The following SLC4A7 variants were observed in gnomAD, a reference collection of about 807,000 sequenced individuals.
SLC4A7 encodes the protein solute carrier family 4 member 7, also known as sodium bicarbonate cotransporter 3.
SLC4A7 carries 51 observed loss-of-function variants against 137.6 expected under a neutral mutation model. The observed-to-expected ratio is 0.37, with a 90% CI of 0.30 to 0.47. The LOEUF is 0.47. Ranked by LOEUF, SLC4A7 falls within the 20% of genes least tolerant of loss-of-function variation. The probability of loss-of-function intolerance (pLI) is 1.00; values close to 1 mark genes in which losing one functional copy is unlikely to be tolerated. For synonymous variants in SLC4A7, 542 were observed against 518.6 expected (o/e 1.05, Z -0.61); for missense variants, 1,247 against 1,525.4 (o/e 0.82, Z 3.04).
chr3:27,391,608 T>C (rs1420665592), intron 21 of SLC4A7, 132 bp downstream of exon 21: 4 of 621,620 alleles, frequency 6.4e-6, no homozygotes, highest in Non-Finnish European at 1.2e-5. Flanking sequence ...ATGTCTGAAG[T>C]CATCAGTTAG....
At chr3:27,388,358 A>C (rs2051183607) in intron 22 of SLC4A7, among the ~76,000 whole-genome samples, 1 of 151,416 alleles carries the variant, frequency 6.6e-6, no homozygotes. Flanking sequence ...ATAACTTGTC[A>C]GTGTTTTTTG....
At chr3:27,442,448 T>C (rs2057274285) in intron 3 of SLC4A7, among the ~76,000 whole-genome samples, 2 of 151,932 alleles carry the variant, frequency 1.3e-5, no homozygotes, top group African/African-American at 2.4e-5. Context: ...TTTCTTTTTT[T>C]TTTTTTTTTG....
intron 20 of SLC4A7, 95 bp downstream of exon 20, chr3:27,394,423 T>C (rs2051925729): frequency 2.7e-6 from 3 of 1,111,778 alleles, no homozygotes; most frequent in Admixed American, 4.6e-5. Context: ...AACCTAATTT[T>C]AGGTATTTTA....
At position 27,394,725 on chromosome 3, in the gene SLC4A7, C is replaced by T; in HGVS notation, c.2910G>A (p.Met970Ile). 1 of 1,614,208 alleles carries T rather than the reference C, an allele frequency of 6.2e-7. No homozygotes were observed. Among genetic ancestry groups the T allele is most frequent in the Non-Finnish European group, 8.5e-7 (1 of 1,180,024 alleles). ...YHLDLLMVGVMLGVCSVMGLP... is the reference protein window; with the variant it reads ...YHLDLLMVGVILGVCSVMGLP... ...GTCCCATGACAGAGCAAACTCCCAACATAACGCCAACCATGAGCAAATCAA... is the reference window on the plus strand; with the variant it reads ...GTCCCATGACAGAGCAAACTCCCAATATAACGCCAACCATGAGCAAATCAA... Residue 970 changes from methionine (M) to isoleucine (I), a missense_variant, in exon 20 of 26, where the codon ATG becomes ATA. This residue lies in a region of SLC4A7 where 48 missense variants were observed against 97.2 expected (regional missense o/e 0.49). Coordinates refer to ENST00000454389, the MANE Select transcript of SLC4A7 (RefSeq NM_001321103.2).
At chr3:27,383,792 C>T (rs1017627260) in intron 23 of SLC4A7, among the ~76,000 whole-genome samples, 29 of 152,162 alleles carry the variant, frequency 1.9e-4, no homozygotes, top group African/African-American at 6.8e-4. Context: ...GAAATACTCT[C>T]GGCAATGTCT....
chr3:27,479,025 A>C (rs1447744867), intron 1 of SLC4A7, among the ~76,000 whole-genome samples: 2 of 152,076 alleles, frequency 1.3e-5, no homozygotes, highest in East Asian at 3.9e-4. Context: ...AAAAACAAAA[A>C]AACACCAAAC....
At chr3:27,452,595 T>A in intron 1 of SLC4A7, 97 bp from the exon 2 acceptor site, 1 of 636,812 alleles carries the variant, frequency 1.6e-6, no homozygotes, top group Non-Finnish European at 2.6e-6. Context: ...TAAAACAGAC[T>A]GCTTTCTCTC....
intron 1 of SLC4A7, among the ~76,000 whole-genome samples, chr3:27,478,849 A>AGAG (rs200336360): frequency 1.3e-5 from 2 of 150,002 alleles, no homozygotes; most frequent in African/African-American, 2.5e-5. Flanking sequence ...AAAAAAAAAA[A>AGAG]AGAGAGAGAG....
chr3:27,461,141 AAAAC>A, intron 1 of SLC4A7, among the ~76,000 whole-genome samples: 1 of 152,300 alleles, frequency 6.6e-6, no homozygotes, highest in East Asian at 1.9e-4. Flanking sequence ...ACAGAACAAA[AAAAC>A]AAAATTATCT....
At chr3:27,390,932 G>A (rs962806187) in intron 21 of SLC4A7, among the ~76,000 whole-genome samples, 6 of 151,812 alleles carry the variant, frequency 4.0e-5, no homozygotes, top group East Asian at 1.9e-4. Context: ...CAAGCAATCC[G>A]TCTACCTCAG....
chr3:27,453,934 G>A (rs894054702), intron 1 of SLC4A7, among the ~76,000 whole-genome samples: 1 of 152,194 alleles, frequency 6.6e-6, no homozygotes, highest in African/African-American at 2.4e-5. Context: ...AGGTAACAGA[G>A]ATATTAAATG....
rs1425990508 is a variant in SLC4A7 at position 27,436,506 on chromosome 3, T to C, written c.471A>G (p.Arg157=). Residue 157 remains arginine, a synonymous_variant, in exon 5 of 26, where the codon CGA becomes CGG. Transcript: ENST00000454389. ...FEEDVEDGGD[R]WSKPYVATLS... ...GAGTTGCCACATAAGGTTTACTCCA[T>C]CGGTCACCGCCATCTTCAACATCCT... 1 of 1,612,976 alleles carries C rather than the reference T, an allele frequency of 6.2e-7. No homozygotes were observed. The highest frequency in any genetic ancestry group is 1.7e-5 in the Admixed American group (1 of 59,994).
chr3:27,391,685 G>T, intron 21 of SLC4A7, 55 bp downstream of exon 21: 1 of 998,260 alleles, frequency 1.0e-6, no homozygotes, highest in Non-Finnish European at 1.5e-6. Context: ...AACAATCTTT[G>T]CATACTTAAA....
chr3:27,451,116 G>A (rs969665367), intron 2 of SLC4A7, among the ~76,000 whole-genome samples: 1 of 151,150 alleles, frequency 6.6e-6, no homozygotes, highest in African/African-American at 2.4e-5. Flanking sequence ...ACAAGCCTAG[G>A]CTCTTAAAGC....
At chr3:27,465,396 G>A (rs531875080) in intron 1 of SLC4A7, among the ~76,000 whole-genome samples, 1 of 147,312 alleles carries the variant, frequency 6.8e-6, no homozygotes. Flanking sequence ...CATTTCACAA[G>A]GTCAGCTACC....
In SLC4A7 at chr3:27,470,392, C is replaced by G. The variant is rs529510584; in HGVS notation, c.60+13675G>C. The stretch of plus-strand genomic sequence containing the variant: ...TAATGAAATATGAAGTTAAATTTGC[C>G]AAAATAAAAACTTTTTGATGTACTG... On this transcript the variant is annotated intron_variant, in intron 1 of 25. Coordinates refer to ENST00000454389, the MANE Select transcript of SLC4A7 (RefSeq NM_001321103.2). Among the ~76,000 whole-genome samples the G allele has an allele frequency of 1.6e-3, 247 of 151,644 alleles. 1 individual carries two copies. The highest frequency in any genetic ancestry group is 5.9e-3 in the African/African-American group (244 of 41,362).
intron 16 of SLC4A7, among the ~76,000 whole-genome samples, chr3:27,399,272 T>C (rs1352532357): frequency 6.6e-6 from 1 of 152,154 alleles, no homozygotes; most frequent in African/African-American, 2.4e-5. Context: ...CCCTTTGGGA[T>C]AACATGAAAA....
At chr3:27,405,291 T>G (rs2053225857) in intron 13 of SLC4A7, among the ~76,000 whole-genome samples, 1 of 152,074 alleles carries the variant, frequency 6.6e-6, no homozygotes, top group Non-Finnish European at 1.5e-5. Flanking sequence ...AAATGCTCAT[T>G]AGAGCACTTC....
chr3:27,435,502 C>G (rs2056663808), intron 5 of SLC4A7, among the ~76,000 whole-genome samples: 1 of 152,238 alleles, frequency 6.6e-6, no homozygotes, highest in African/African-American at 2.4e-5. Context: ...CACTATTCCT[C>G]AACTTAAAAA....
Sources: gnomAD v4.1 joint callset for allele counts (sites outside exome capture counted in the v4.1 genomes callset) on GRCh38, gnomAD v4.1.1 for gene constraint, gnomAD v4.1.1 regional missense constraint, MANE v1.5 for transcripts, NCBI Gene and HGNC (gene_info 2026-07-23, HGNC 2026-07-21) for gene names.